The following ZNF215 variants were observed in gnomAD, a reference collection of about 807,000 sequenced individuals.
ZNF215 encodes zinc finger protein 215.
Under a neutral mutation model 27.2 loss-of-function variants are expected in ZNF215, and 24 were observed. That is an observed-to-expected ratio of 0.88 (90% CI 0.64 to 1.24). ZNF215 has a LOEUF of 1.24. ZNF215 is among the 50% of genes most tolerant of loss of function. ZNF215 has a pLI of 0.00. For missense variants in ZNF215, 675 were observed against 605.7 expected (o/e 1.11, Z -1.20); for synonymous variants, 210 against 204.0 (o/e 1.03, Z -0.25).
chr11:6,934,338 A>C (rs1216753114), intron 3 of ZNF215, among the ~76,000 whole-genome samples: 1 of 152,194 alleles, frequency 6.6e-6, no homozygotes, highest in African/African-American at 2.4e-5. Context: ...GTTTAGTTTG[A>C]GCAGTTTTAG....
intron 5 of ZNF215, among the ~76,000 whole-genome samples, chr11:6,970,700 AT>A (rs976157222): frequency 9.9e-5 from 15 of 152,042 alleles, no homozygotes; most frequent in Admixed American, 7.2e-4. Context: ...TATTTTTGAA[AT>A]TTTCCATCCT....
At chr11:6,992,825 G>A (rs182025425), downstream of ZNF215, among the ~76,000 whole-genome samples, 2 of 151,012 alleles carry the variant, frequency 1.3e-5, no homozygotes, top group East Asian at 3.9e-4. Context: ...CAGGAGCATA[G>A]GAGAGCTACG....
chr11:6,959,740 G>A (rs1385568505), downstream of ZNF215, among the ~76,000 whole-genome samples: 1 of 152,140 alleles, frequency 6.6e-6, no homozygotes, highest in African/African-American at 2.4e-5. Context: ...ATTTCACAAA[G>A]TGATTATAAA....
At chr11:6,954,075 G>C (rs900635826) in intron 6 of ZNF215, among the ~76,000 whole-genome samples, 1 of 152,158 alleles carries the variant, frequency 6.6e-6, no homozygotes, top group Non-Finnish European at 1.5e-5. Context: ...GAATGCTGCT[G>C]TCTGATCGTT....
chr11:6,940,251 T>A (rs992630635), intron 3 of ZNF215, among the ~76,000 whole-genome samples: 1 of 151,456 alleles, frequency 6.6e-6, no homozygotes. Context: ...AAAAAAAAGT[T>A]AACAGACCAT....
chr11:6,929,204 T>C (rs190403347), intron 2 of ZNF215, among the ~76,000 whole-genome samples: 5 of 152,332 alleles, frequency 3.3e-5, no homozygotes, highest in Non-Finnish European at 7.3e-5. Flanking sequence ...TGGGAAATCC[T>C]CTGGGGAGCT....
chr11:6,993,327 C>T, downstream of ZNF215, among the ~76,000 whole-genome samples: 1 of 152,154 alleles, frequency 6.6e-6, no homozygotes, highest in East Asian at 1.9e-4. Context: ...GGATTGGGAC[C>T]TCTTTTTCTG....
chr11:6,978,756 C>CAA (rs34770499), intron 5 of ZNF215, among the ~76,000 whole-genome samples: 1 of 149,750 alleles, frequency 6.7e-6, no homozygotes, highest in South Asian at 2.1e-4. Flanking sequence ...CCATCTCTAC[C>CAA]AAAAAAAAAA....
At chr11:6,973,223 A>G (rs1158269054) in intron 5 of ZNF215, among the ~76,000 whole-genome samples, 3 of 152,162 alleles carry the variant, frequency 2.0e-5, no homozygotes, top group Non-Finnish European at 4.4e-5. Context: ...AAAGGACATG[A>G]ACTCATCATT....
In ZNF215 at chr11:6,982,989, A is replaced by G. The variant is rs970548162; in HGVS notation, c.806-1140A>G. ...CAGGAGCTGGTTTTTTGAAAGGATC[A>G]ACAAAATTGATAGACCACTAGCAAG... On this transcript the variant is annotated intron_variant, in intron 5 of 5. Coordinates refer to the ZNF215 transcript ENST00000529903. Among the ~76,000 whole-genome samples the G allele has an allele frequency of 7.9e-3, 1,191 of 150,070 alleles. 6 individuals are homozygous for G. The highest frequency in any genetic ancestry group is 0.034 in the Middle Eastern group (10 of 294).
At chr11:6,993,224 TG>T (rs1851137704), downstream of ZNF215, among the ~76,000 whole-genome samples, 1 of 152,166 alleles carries the variant, frequency 6.6e-6, no homozygotes, top group Non-Finnish European at 1.5e-5. Context: ...ACTCTGTATC[TG>T]GGTAGCTTTC....
At position 6,956,222 on chromosome 11, in the gene ZNF215, C is replaced by G. The variant is rs747345986; in HGVS notation, c.1245C>G (p.Phe415Leu). 4 of 1,613,008 alleles carry G rather than the reference C, an allele frequency of 2.5e-6. No individual in the cohort carries two copies. The highest frequency in any genetic ancestry group is 3.4e-6 in the Non-Finnish European group (4 of 1,179,598). The change falls in exon 7 of 7, where the codon TTC (phenylalanine) becomes TTG (leucine). Residue 415 changes from phenylalanine to leucine, a missense_variant. Physicochemically the swap from Phe to Leu is conservative, Grantham distance 22. Coordinates refer to ENST00000278319, the MANE Select transcript of ZNF215 (RefSeq NM_013250.4). ...KPYKCSECGR[F>L]FNRRTNLTKH... is the part of the protein sequence containing the mutation. ...ATAAATGCAGTGAATGTGGGAGATT[C>G]TTCAACCGACGTACAAACCTTACTA... is the stretch of plus-strand genomic sequence containing the variant.
downstream of ZNF215, chr11:6,988,338 G>C: frequency 1.2e-6 from 1 of 831,948 alleles, no homozygotes; most frequent in Non-Finnish European, 1.4e-6. Flanking sequence ...ACTCTCATTT[G>C]TGTCTGGATT....
intron 5 of ZNF215, among the ~76,000 whole-genome samples, chr11:6,971,801 AAAC>A (rs1850724027): frequency 6.6e-6 from 1 of 152,072 alleles, no homozygotes; most frequent in African/African-American, 2.4e-5. Context: ...CATAAAGTTA[AAAC>A]AACATTTAGC....
intron 6 of ZNF215, among the ~76,000 whole-genome samples, chr11:6,944,594 T>G (rs1455972089): frequency 6.6e-6 from 1 of 152,072 alleles, no homozygotes; most frequent in Admixed American, 6.5e-5. Context: ...TAATACTTTG[T>G]AAGAGAAAAT....
intron 3 of ZNF215, among the ~76,000 whole-genome samples, chr11:6,937,640 G>A (rs1590050202): frequency 6.6e-6 from 1 of 151,678 alleles, no homozygotes; most frequent in Admixed American, 6.6e-5. Context: ...CTAAAAAGCT[G>A]CAATAATCAA....
At chr11:6,950,212 G>GT (rs550078230) in intron 6 of ZNF215, among the ~76,000 whole-genome samples, 1 of 128,744 alleles carries the variant, frequency 7.8e-6, no homozygotes, top group Non-Finnish European at 1.8e-5. Context: ...ACTTGGCGAT[G>GT]GGGCTCTTTT....
chr11:6,941,216 T>C (rs1014753882), intron 3 of ZNF215, among the ~76,000 whole-genome samples: 5 of 152,202 alleles, frequency 3.3e-5, no homozygotes, highest in Admixed American at 2.0e-4. Context: ...AAGCTCCAAG[T>C]AGAATTACAG....
intron 3 of ZNF215, among the ~76,000 whole-genome samples, chr11:6,939,751 G>C (rs1849571253): frequency 6.6e-6 from 1 of 152,158 alleles, no homozygotes; most frequent in East Asian, 1.9e-4. Flanking sequence ...AGAAGTAAGG[G>C]AAGAAAAGGA....
Sources: gnomAD v4.1 joint callset for allele counts (sites outside exome capture counted in the v4.1 genomes callset) on GRCh38, gnomAD v4.1.1 for gene constraint, MANE v1.5 for transcripts, NCBI Gene and HGNC (gene_info 2026-07-23, HGNC 2026-07-21) for gene names.